Variants in MSTO1 observed in about 807,000 individuals in gnomAD.
MSTO1 encodes protein misato homolog 1.
In MSTO1, 24 loss-of-function variants were observed where a neutral mutation model predicts 55.7. That is an observed-to-expected ratio of 0.43 (90% CI 0.31 to 0.61). The LOEUF is 0.61. Among genes scored for constraint, MSTO1 ranks in the 20% least tolerant of loss-of-function variants. The pLI, the probability that MSTO1 is intolerant of heterozygous loss-of-function variation, is 0.09. For synonymous variants in MSTO1, 162 were observed against 252.8 expected (o/e 0.64, Z 3.41); for missense variants, 363 against 625.7 (o/e 0.58, Z 4.48).
At chr1:155,596,628 A>C in the MSTO1 span, among the ~76,000 whole-genome samples, 1 of 151,962 alleles carries the variant, frequency 6.6e-6, no homozygotes, top group Non-Finnish European at 1.5e-5. Context: ...CCACACAAAA[A>C]AATTTTTAAT....
the MSTO1 span, among the ~76,000 whole-genome samples, chr1:155,580,715 TCAAAAC>T: frequency 2.0e-5 from 3 of 151,922 alleles, no homozygotes; most frequent in Non-Finnish European, 2.9e-5. Context: ...GCTGAGGAGT[TCAAAAC>T]CACCCTGGGC....
At chr1:155,585,299 G>C in the MSTO1 span, among the ~76,000 whole-genome samples, 1 of 152,096 alleles carries the variant, frequency 6.6e-6, no homozygotes, top group Non-Finnish European at 1.5e-5. Context: ...CAAGGCGGGC[G>C]GATCACGAGG....
chr1:155,567,174 A>C, the MSTO1 span, among the ~76,000 whole-genome samples: 1 of 151,804 alleles, frequency 6.6e-6, no homozygotes, highest in East Asian at 1.9e-4. Context: ...CCCAGGTTGC[A>C]GAGCAGTGGA....
chr1:155,565,595 C>G, the MSTO1 span, among the ~76,000 whole-genome samples: 1 of 152,166 alleles, frequency 6.6e-6, no homozygotes, highest in Non-Finnish European at 1.5e-5. Flanking sequence ...TTCTCATCAG[C>G]AGCATAATTG....
At chr1:155,587,587 C>T in the MSTO1 span, among the ~76,000 whole-genome samples, 6 of 140,464 alleles carry the variant, frequency 4.3e-5, no homozygotes, top group Middle Eastern at 4.2e-3. Flanking sequence ...ACTGAAAATA[C>T]AAAAAAATTA....
chr1:155,563,428 G>C, the MSTO1 span: 2 of 456,614 alleles, frequency 4.4e-6, no homozygotes, highest in African/African-American at 4.0e-5. Context: ...GGACCGGCGC[G>C]CCTCCGGGGG....
chr1:155,597,879 C>T, the MSTO1 span, among the ~76,000 whole-genome samples: 4 of 149,544 alleles, frequency 2.7e-5, no homozygotes, highest in Non-Finnish European at 5.9e-5. Context: ...TGCCGTGGCG[C>T]GATCTCGGCT....
the MSTO1 span, among the ~76,000 whole-genome samples, chr1:155,569,813 G>GA: frequency 2.0e-5 from 3 of 151,820 alleles, no homozygotes; most frequent in South Asian, 6.3e-4. Context: ...TTGTGGATTT[G>GA]AGATTTTGTT....
chr1:155,565,045 C>T, the MSTO1 span, among the ~76,000 whole-genome samples: 3 of 151,874 alleles, frequency 2.0e-5, no homozygotes, highest in East Asian at 1.9e-4. Flanking sequence ...TGCTTGAACC[C>T]GGGAGGCAGA....
chr1:155,591,954 A>G, the MSTO1 span, among the ~76,000 whole-genome samples: 37 of 152,310 alleles, frequency 2.4e-4, no homozygotes, highest in African/African-American at 8.4e-4. Flanking sequence ...AAAAAAAAGT[A>G]TAACAAAAAT....
chr1:155,597,579 G>A, the MSTO1 span, among the ~76,000 whole-genome samples: 3 of 151,192 alleles, frequency 2.0e-5, no homozygotes, highest in African/African-American at 4.9e-5. Flanking sequence ...GTGTGATTTC[G>A]GCTCACTGCA....
At chr1:155,582,854 C>T in the MSTO1 span, among the ~76,000 whole-genome samples, 2 of 151,904 alleles carry the variant, frequency 1.3e-5, no homozygotes, top group African/African-American at 4.8e-5. Context: ...TCCTTACCCA[C>T]CTACCTGCAA....
chr1:155,612,183 G>C lies in MSTO1; in HGVS notation c.680G>C (p.Gly227Ala), dbSNP rs760301236. The C allele has an allele frequency of 6.2e-7, 1 of 1,613,798 alleles. No individual in the cohort carries two copies. Among genetic ancestry groups the C allele is most frequent in the African/African-American group, 1.3e-5 (1 of 74,898 alleles). Residue 227 changes from glycine to alanine, a missense_variant and splice_region_variant, in exon 8 of 14, where the codon GGC becomes GCC. Transcript: ENST00000245564. ...FYVEECDYLQ[G>A]FQILCDLHDG... ...CTTTTGTCACTCACCCCCGTCCAGG[G>C]CTTCCAGATCCTGTGTGACCTGCAC...
chr1:155,612,944 T>C lies in MSTO1; in HGVS notation c.1067T>C (p.Leu356Pro), dbSNP rs746800234. The C allele has an allele frequency of 1.2e-6, 2 of 1,614,022 alleles. No individual in the cohort carries two copies. Among genetic ancestry groups the C allele is most frequent in the Non-Finnish European group, 1.7e-6 (2 of 1,179,876 alleles). ...LCSSPVSMVH[L>P]ADMLSFCGKK... ...TCCTCTCCAGTTTCCATGGTTCATC[T>C]GGCTGACATGCTGAGCTTCTGTGGG... Residue 356 changes from leucine to proline, a missense_variant, in exon 10 of 14, where the codon CTG (leucine) becomes CCG (proline). Leu to Pro is a moderately conservative substitution (Grantham distance 98, BLOSUM62 -3). Coordinates refer to ENST00000245564, the MANE Select transcript of MSTO1 (RefSeq NM_018116.4).
At chr1:155,575,905 C>T in the MSTO1 span, among the ~76,000 whole-genome samples, 1 of 151,712 alleles carries the variant, frequency 6.6e-6, no homozygotes, top group South Asian at 2.1e-4. Flanking sequence ...TCACTGCAAC[C>T]TCCACCTCCT....
upstream of MSTO1, among the ~76,000 whole-genome samples, chr1:155,606,983 C>T (rs1394992079): frequency 5.3e-5 from 8 of 150,928 alleles, no homozygotes; most frequent in Admixed American, 1.3e-4. Flanking sequence ...TACAGGCACG[C>T]GCCACCTCGT....
the MSTO1 span, among the ~76,000 whole-genome samples, chr1:155,578,642 C>G: frequency 6.6e-6 from 1 of 150,850 alleles, no homozygotes; most frequent in South Asian, 2.1e-4. Context: ...TCCCGAGTAG[C>G]TGGGACTACA....
intron 4 of MSTO1, 100 bp from the exon 5 acceptor site, chr1:155,611,449 A>G (rs1571229229): frequency 1.2e-6 from 2 of 1,611,156 alleles, no homozygotes; most frequent in Non-Finnish European, 1.7e-6. Context: ...GTGAACAGAA[A>G]GGAGGCTATG....
rs1372578176 is a variant in MSTO1 at position 155,614,635 on chromosome 1, G to A, written c.*362G>A. On this transcript the variant is annotated 3_prime_UTR_variant, in exon 14 of 14. Coordinates refer to ENST00000245564, the MANE Select transcript of MSTO1 (RefSeq NM_018116.4). ...TCCAGATCTGTAAACTGGGCTCAAG[G>A]ACTGTACAAGCAGAGTACAACTACC... The A allele has an allele frequency of 1.6e-5, 17 of 1,076,486 alleles. No homozygotes were observed. The highest frequency in any genetic ancestry group is 2.0e-5 in the Non-Finnish European group (14 of 701,544). 66.7% of individuals were successfully genotyped at this position (1,076,486 alleles called of 1,614,324 possible).
Sources: allele counts gnomAD v4.1 joint callset (sites outside exome capture counted in the v4.1 genomes callset), GRCh38; gene constraint gnomAD v4.1.1; transcripts MANE v1.5; gene names NCBI Gene and HGNC (gene_info 2026-07-23, HGNC 2026-07-21).